HS3ST6: variants seen among roughly 807,000 people sequenced by gnomAD.
HS3ST6 encodes heparan sulfate glucosamine 3-O-sulfotransferase 6.
A neutral mutation model predicts 11.0 loss-of-function variants in HS3ST6; 13 were observed. The ratio of observed to expected loss-of-function variants is 1.18; its 90% CI spans 0.77 to 1.88. The LOEUF is 1.88. HS3ST6 is among the 40% of genes most tolerant of loss of function. The pLI, the probability that HS3ST6 is intolerant of heterozygous loss-of-function variation, is 0.00. For synonymous variants in HS3ST6, 232 were observed against 230.6 expected (o/e 1.01, Z -0.06); for missense variants, 541 against 494.4 (o/e 1.09, Z -0.89).
Position 1,917,976 on chromosome 16 carries a change from G to A in HS3ST6, c.348C>T (p.Val116=). ...AGTGGGGCTCAGAGCCCAGCGCGCG[G>A]ACGTCGGGGTGCAGCCGCAGAAACT... ...LLEFLRLHPD[V]RALGSEPHFF... The change falls in exon 1 of 2, where the codon GTC becomes GTT. Residue 116 remains valine (V), a synonymous_variant. Transcript: ENST00000454677. The A allele has an allele frequency of 6.4e-7, 1 of 1,553,354 alleles. No homozygotes were observed.
At position 1,911,921 on chromosome 16, in the gene HS3ST6, T is replaced by G. The variant is rs922758380; in HGVS notation, c.698A>C (p.Asp233Ala). 11 of 1,600,266 alleles carry G rather than the reference T, an allele frequency of 6.9e-6. No homozygotes were observed. Among genetic ancestry groups the G allele is most frequent in the African/African-American group, 4.0e-5 (3 of 74,688 alleles). Reference protein sequence around the residue: ...VRIGLYAQHLDHWLRYFPLSH... With the variant: ...VRIGLYAQHLAHWLRYFPLSH... ...CAGGGGGAAGTAGCGCAGCCAGTGG[T>G]CCAGGTGCTGGGCGTACAGGCCGAT... Residue 233 changes from aspartate (D) to alanine (A), a missense_variant, in exon 2 of 2, where the codon GAC becomes GCC. Physicochemically the swap from Asp to Ala is moderately radical, Grantham distance 126. Transcript: ENST00000454677.
chr16:1,919,797 G>A (rs1288428220), upstream of HS3ST6, among the ~76,000 whole-genome samples: 3 of 152,240 alleles, frequency 2.0e-5, no homozygotes, highest in East Asian at 1.9e-4. Flanking sequence ...CCCCAGCCCC[G>A]GCTCCAGACA....
Sources: gnomAD v4.1 joint callset for allele counts (sites outside exome capture counted in the v4.1 genomes callset) on GRCh38, gnomAD v4.1.1 for gene constraint, MANE v1.5 for transcripts, NCBI Gene and HGNC (gene_info 2026-07-23, HGNC 2026-07-21) for gene names.